RALYL: variants seen among roughly 807,000 people sequenced by gnomAD.
RALYL encodes RALY RNA binding protein like, also known as RNA-binding Raly-like protein.
Under a neutral mutation model 35.1 loss-of-function variants are expected in RALYL, and 29 were observed. That is an observed-to-expected ratio of 0.83 (90% CI 0.61 to 1.13). The LOEUF (loss-of-function observed/expected upper bound fraction) is 1.13, where lower values mean the gene tolerates loss of function less well. Among genes scored for constraint, RALYL ranks in the 50% most tolerant of loss-of-function variants. The pLI is 0.00. For missense variants in RALYL, 359 were observed against 360.4 expected (o/e 1.00, Z 0.03); for synonymous variants, 120 against 127.6 (o/e 0.94, Z 0.40).
At chr8:84,211,634 A>G (rs1357185174) in intron 1 of RALYL, among the ~76,000 whole-genome samples, 4 of 152,164 alleles carry the variant, frequency 2.6e-5, no homozygotes. Context: ...CACTAACTGC[A>G]TGTACCTTGA....
chr8:84,423,535 T>A (rs536235944), intron 1 of RALYL, among the ~76,000 whole-genome samples: 2 of 152,278 alleles, frequency 1.3e-5, no homozygotes, highest in African/African-American at 4.8e-5. Flanking sequence ...AATTGGAGAA[T>A]TTAGTCCATT....
At chr8:84,693,696 C>T (rs1040257584) in intron 2 of RALYL, among the ~76,000 whole-genome samples, 4 of 151,792 alleles carry the variant, frequency 2.6e-5, no homozygotes, top group South Asian at 2.1e-4. Flanking sequence ...TCCTGATGAA[C>T]ATAGATGTAA....
intron 2 of RALYL, among the ~76,000 whole-genome samples, chr8:84,732,767 G>C (rs1454251284): frequency 6.6e-6 from 1 of 150,712 alleles, no homozygotes; most frequent in Non-Finnish European, 1.5e-5. Flanking sequence ...CGCTATCTTG[G>C]CTCACTGCAG....
At chr8:84,519,223 T>TAGGGAA (rs1313530937) in intron 1 of RALYL, among the ~76,000 whole-genome samples, 1 of 152,244 alleles carries the variant, frequency 6.6e-6, no homozygotes, top group Non-Finnish European at 1.5e-5. Context: ...TCATATACTC[T>TAGGGAA]ATTTTACATA....
intron 2 of RALYL, among the ~76,000 whole-genome samples, chr8:84,762,772 T>G (rs968159743): frequency 2.6e-5 from 4 of 152,178 alleles, no homozygotes; most frequent in African/African-American, 9.6e-5. Context: ...TTTCTAAATG[T>G]GTGTGAAAAT....
At chr8:84,866,328 T>A (rs913716294) in intron 6 of RALYL, among the ~76,000 whole-genome samples, 6 of 152,216 alleles carry the variant, frequency 3.9e-5, no homozygotes, top group African/African-American at 1.4e-4. Flanking sequence ...TTAACCCCTA[T>A]ATACCTCTAA....
chr8:84,588,282 G>A (rs1201066479), intron 2 of RALYL, among the ~76,000 whole-genome samples: 1 of 152,126 alleles, frequency 6.6e-6, no homozygotes, highest in Non-Finnish European at 1.5e-5. Flanking sequence ...AGCTGTTATG[G>A]TAAAACACCT....
chr8:84,900,150 A>G (rs1055301877), intron 8 of RALYL, among the ~76,000 whole-genome samples: 4 of 152,198 alleles, frequency 2.6e-5, no homozygotes, highest in African/African-American at 4.8e-5. Flanking sequence ...CTGAGTTTCT[A>G]TACAGAGGAT....
rs180805810 is a variant in RALYL, at chr8:84,523,475, T to G, written c.-23-5824T>G. ...AAGGACAATCCATATCACCTGGGTG[T>G]TTTTTGATATTTCTGTTGTTGTTTT... On this transcript the variant is annotated intron_variant, in intron 1 of 8. Transcript: ENST00000521268. Among the ~76,000 whole-genome samples, 330 of 152,232 alleles carry G rather than the reference T, an allele frequency of 2.2e-3. 1 individual carries two copies. The highest frequency in any genetic ancestry group is 7.6e-3 in the African/African-American group (315 of 41,562).
chr8:84,863,100 G>C (rs755517135), intron 6 of RALYL, among the ~76,000 whole-genome samples: 8 of 152,148 alleles, frequency 5.3e-5, no homozygotes, highest in Non-Finnish European at 4.4e-5. Context: ...TATTCATAAA[G>C]AAAGGATAAC....
chr8:84,448,779 T>C lies in RALYL; in HGVS notation c.-23-80520T>C, dbSNP rs534008827. 2.1e-4 allele frequency among the ~76,000 whole-genome samples: 32 copies of C among 152,156 alleles called. No homozygotes were observed. In the South Asian group the frequency reaches 4.3e-3, roughly 21 times the overall value. On this transcript the variant is annotated intron_variant, in intron 1 of 8. Transcript: ENST00000521268. ...CTTATAGCGTAAAAATCTTGGGATA[T>C]ATGAGCTTTGAGTATGTCCATTCCC... is the stretch of plus-strand genomic sequence containing the variant.
intron 3 of RALYL, among the ~76,000 whole-genome samples, chr8:84,777,172 G>A (rs1050686358): frequency 1.3e-5 from 2 of 152,028 alleles, no homozygotes; most frequent in Non-Finnish European, 2.9e-5. Context: ...GACAATAAAG[G>A]GTTTGTTCAA....
At chr8:84,489,033 A>G (rs965740934) in intron 1 of RALYL, among the ~76,000 whole-genome samples, 4 of 152,000 alleles carry the variant, frequency 2.6e-5, no homozygotes, top group African/African-American at 9.7e-5. Flanking sequence ...AGTCACAGAT[A>G]TCCACGTGTA....
intron 1 of RALYL, among the ~76,000 whole-genome samples, chr8:84,466,845 T>G (rs1187640668): frequency 4.0e-5 from 6 of 151,352 alleles, no homozygotes; most frequent in Non-Finnish European, 5.9e-5. Context: ...ATTCAGAGAT[T>G]CAACTTCTTC....
At chr8:84,561,327 G>A (rs192753104) in intron 2 of RALYL, among the ~76,000 whole-genome samples, 355 of 152,102 alleles carry the variant, frequency 2.3e-3, no homozygotes, top group Middle Eastern at 0.01. Context: ...CCAGGAGTGA[G>A]ACTGGATTGT....
chr8:84,491,669 A>G (rs2055325864), intron 1 of RALYL, among the ~76,000 whole-genome samples: 1 of 152,078 alleles, frequency 6.6e-6, no homozygotes, highest in Non-Finnish European at 1.5e-5. Context: ...AAATAAACAA[A>G]CAAACAAAAC....
intron 2 of RALYL, among the ~76,000 whole-genome samples, chr8:84,664,262 G>C (rs1215927677): frequency 2.3e-5 from 1 of 43,066 alleles, no homozygotes. Context: ...GATGCCTCTA[G>C]ATTTTTTTTT....
intron 1 of RALYL, among the ~76,000 whole-genome samples, chr8:84,211,826 T>C (rs1484674931): frequency 6.6e-6 from 1 of 152,080 alleles, no homozygotes; most frequent in Non-Finnish European, 1.5e-5. Flanking sequence ...AAATTAACCC[T>C]AGGGAAAAAT....
At chr8:84,456,114 G>A (rs571003143) in intron 1 of RALYL, among the ~76,000 whole-genome samples, 111 of 152,102 alleles carry the variant, frequency 7.3e-4, no homozygotes, top group African/African-American at 2.5e-3. Flanking sequence ...ATGTAGTGAG[G>A]AAGAGAGACC....
Sources: allele counts gnomAD v4.1 joint callset (sites outside exome capture counted in the v4.1 genomes callset), GRCh38; gene constraint gnomAD v4.1.1; transcripts MANE v1.5; gene names NCBI Gene and HGNC (gene_info 2026-07-23, HGNC 2026-07-21).